EXOC4: variants seen among roughly 807,000 people sequenced by gnomAD.
The protein encoded by EXOC4 is exocyst complex component 4.
A neutral mutation model predicts 107.2 loss-of-function variants in EXOC4; 71 were observed. The ratio of observed to expected loss-of-function variants is 0.66; its 90% CI spans 0.55 to 0.81. The LOEUF is 0.81. EXOC4 is among the 30% of genes least tolerant of loss of function. EXOC4 has a pLI of 0.00. For missense variants in EXOC4, 1,108 were observed against 1,189.6 expected (o/e 0.93, Z 1.01); for synonymous variants, 456 against 441.2 (o/e 1.03, Z -0.42).
intron 3 of EXOC4, among the ~76,000 whole-genome samples, chr7:133,298,672 G>A (rs953895715): frequency 2.6e-5 from 4 of 152,098 alleles, no homozygotes. Flanking sequence ...CTTCAGGAAG[G>A]TAATTGTGAA....
At chr7:133,807,986 T>C in intron 10 of EXOC4, among the ~76,000 whole-genome samples, 1 of 152,174 alleles carries the variant, frequency 6.6e-6, no homozygotes. Context: ...GTAGATAATA[T>C]TCTTTCTCCC....
intron 9 of EXOC4, among the ~76,000 whole-genome samples, chr7:133,486,910 ACAGATTG>A (rs1321319771): frequency 6.6e-6 from 1 of 152,208 alleles, no homozygotes; most frequent in East Asian, 1.9e-4. Flanking sequence ...CAAGTCATGA[ACAGATTG>A]CATTATTTCA....
chr7:133,442,582 G>A (rs1798128952), intron 7 of EXOC4, among the ~76,000 whole-genome samples: 1 of 152,086 alleles, frequency 6.6e-6, no homozygotes, highest in Non-Finnish European at 1.5e-5. Context: ...CAAGAGAAGA[G>A]CTTGTGGGGT....
At chr7:133,628,643 T>C (rs1234334082) in intron 9 of EXOC4, among the ~76,000 whole-genome samples, 1 of 152,184 alleles carries the variant, frequency 6.6e-6, no homozygotes, top group Non-Finnish European at 1.5e-5. Context: ...TTCTAAACTC[T>C]CTGAAATTAG....
At chr7:134,091,756 C>T in the EXOC4 span, among the ~76,000 whole-genome samples, 1 of 152,188 alleles carries the variant, frequency 6.6e-6, no homozygotes, top group East Asian at 1.9e-4. Flanking sequence ...CTTCTAGTAG[C>T]ACTGTTTCTG....
chr7:133,831,809 GA>G (rs1428666615), intron 11 of EXOC4, among the ~76,000 whole-genome samples: 3 of 152,034 alleles, frequency 2.0e-5, no homozygotes, highest in Non-Finnish European at 4.4e-5. Context: ...ACTAACCCTT[GA>G]ATATATTCAT....
intron 9 of EXOC4, among the ~76,000 whole-genome samples, chr7:133,528,618 CA>C (rs1342566596): frequency 6.6e-6 from 1 of 151,944 alleles, no homozygotes; most frequent in Admixed American, 6.6e-5. Context: ...TATTTTAAGT[CA>C]ACCAGGACAT....
At position 134,064,459 on chromosome 7, in the gene EXOC4, C is replaced by T. The variant is rs879442976; in HGVS notation, c.2856C>T (p.Leu952=). 6.2e-7 allele frequency: 1 copy of T among 1,607,680 alleles called. No individual in the cohort carries two copies. Among genetic ancestry groups the T allele is most frequent in the Non-Finnish European group, 8.5e-7 (1 of 1,176,746 alleles). ...LTTQNTRLQR[L]KEIICEQAAI... is the part of the protein sequence containing the mutation. The stretch of plus-strand genomic sequence containing the variant: ...CCCAGAACACGAGGCTGCAGAGGCT[C>T]AAAGAGATCATCTGCGAGCAGGCTG... The change falls in exon 18 of 18, where the codon CTC becomes CTT. Residue 952 remains leucine (L), a synonymous_variant. Coordinates refer to ENST00000253861, the MANE Select transcript of EXOC4 (RefSeq NM_021807.4).
intron 9 of EXOC4, among the ~76,000 whole-genome samples, chr7:133,596,005 C>T (rs80212183): frequency 6.6e-6 from 1 of 152,152 alleles, no homozygotes; most frequent in African/African-American, 2.4e-5. Flanking sequence ...ACCTTTTCCC[C>T]ACACTCCCAT....
At chr7:134,076,286 G>A in the EXOC4 span, among the ~76,000 whole-genome samples, 2 of 152,158 alleles carry the variant, frequency 1.3e-5, no homozygotes, top group Non-Finnish European at 2.9e-5. Context: ...GGGAGGCCGA[G>A]GCAGGTGGAT....
At chr7:134,028,788 A>G (rs934879377) in intron 17 of EXOC4, among the ~76,000 whole-genome samples, 3 of 152,242 alleles carry the variant, frequency 2.0e-5, no homozygotes, top group African/African-American at 7.2e-5. Context: ...GAGAATCTCT[A>G]TACCTCTGAC....
intron 14 of EXOC4, among the ~76,000 whole-genome samples, chr7:133,943,480 T>C (rs1337424927): frequency 6.6e-6 from 1 of 152,224 alleles, no homozygotes; most frequent in Non-Finnish European, 1.5e-5. Flanking sequence ...CTTTACTATA[T>C]TAACCAGATA....
intron 7 of EXOC4, among the ~76,000 whole-genome samples, chr7:133,436,147 TGTTTTTCTTG>T (rs1797969304): frequency 1.3e-5 from 2 of 151,940 alleles, no homozygotes; most frequent in African/African-American, 4.8e-5. Context: ...TTTTGAAAGA[TGTTTTTCTTG>T]GCATCCATGC....
intron 10 of EXOC4, among the ~76,000 whole-genome samples, chr7:133,806,241 G>A (rs1329004302): frequency 1.3e-5 from 2 of 152,214 alleles, no homozygotes; most frequent in African/African-American, 2.4e-5. Flanking sequence ...TAGCAAGGCT[G>A]AAGAAAAAGT....
chr7:133,949,116 C>T (rs1563068110), intron 14 of EXOC4, among the ~76,000 whole-genome samples: 1 of 152,176 alleles, frequency 6.6e-6, no homozygotes, highest in Non-Finnish European at 1.5e-5. Flanking sequence ...GATGTAAAAG[C>T]TGCACCTCTT....
At chr7:133,686,857 G>A (rs762341940) in intron 10 of EXOC4, among the ~76,000 whole-genome samples, 12 of 152,010 alleles carry the variant, frequency 7.9e-5, no homozygotes, top group Admixed American at 2.0e-4. Flanking sequence ...CCACTACTGG[G>A]TATCTGCCCA....
chr7:133,385,971 A>G (rs1340596113), intron 7 of EXOC4, among the ~76,000 whole-genome samples: 2 of 152,148 alleles, frequency 1.3e-5, no homozygotes, highest in African/African-American at 2.4e-5. Flanking sequence ...GTTTACCACT[A>G]TACATGTGTT....
intron 10 of EXOC4, among the ~76,000 whole-genome samples, chr7:133,694,223 T>C (rs1794483322): frequency 6.8e-6 from 1 of 147,600 alleles, no homozygotes; most frequent in Non-Finnish European, 1.5e-5. Flanking sequence ...ATCACGCTGA[T>C]GTACTCCAGC....
intron 14 of EXOC4, among the ~76,000 whole-genome samples, chr7:133,978,178 T>C (rs1178820632): frequency 6.6e-6 from 1 of 152,222 alleles, no homozygotes; most frequent in African/African-American, 2.4e-5. Context: ...TACATGTCAC[T>C]TCCTTTTCTC....
Sources: allele counts gnomAD v4.1 joint callset (sites outside exome capture counted in the v4.1 genomes callset), GRCh38; gene constraint gnomAD v4.1.1; transcripts MANE v1.5; gene names NCBI Gene and HGNC (gene_info 2026-07-23, HGNC 2026-07-21).